KANSL1L: variants seen among roughly 807,000 people sequenced by gnomAD.
KANSL1L encodes KAT8 regulatory NSL complex subunit 1-like protein.
KANSL1L carries 25 observed loss-of-function variants against 108.6 expected under a neutral mutation model. The ratio of observed to expected loss-of-function variants is 0.23; its 90% confidence interval spans 0.17 to 0.32. The LOEUF (loss-of-function observed/expected upper bound fraction) is 0.32. Ranked by LOEUF, KANSL1L falls within the 10% of genes least tolerant of loss-of-function variation. The pLI is 1.00. For synonymous variants in KANSL1L, 405 were observed against 395.1 expected (o/e 1.03, Z -0.30); for missense variants, 1,137 against 1,125.7 (o/e 1.01, Z -0.14).
intron 4 of KANSL1L, 142 bp from the exon 5 acceptor site, chr2:210,098,349 T>G: frequency 1.4e-6 from 1 of 707,048 alleles, no homozygotes; most frequent in South Asian, 2.0e-5. Context: ...CAAAGACAAT[T>G]TATACAACTG....
intron 9 of KANSL1L, chr2:210,030,915 C>T (rs1357774100): frequency 6.6e-6 from 1 of 152,052 alleles, no homozygotes; most frequent in Admixed American, 6.6e-5. Context: ...TCTAAAGTGT[C>T]AGTCAATTTA....
At position 210,153,924 on chromosome 2, in the gene KANSL1L, A is replaced by G; in HGVS notation, c.659T>C (p.Val220Ala). The G allele has an allele frequency of 1.9e-6, 3 of 1,613,580 alleles. No homozygotes were observed. Among genetic ancestry groups the G allele is most frequent in the East Asian group, 4.5e-5 (2 of 44,874 alleles). Reference sequence around the variant, plus strand: ...TACACAATGAAGTAAACGAGCATGTACTTCCTCCTCTTTTTCAGCAGCTGA... The same window carrying G: ...TACACAATGAAGTAAACGAGCATGTGCTTCCTCCTCTTTTTCAGCAGCTGA... ...SSSAAEKEEE[V>A]HARLLHCVSK... is the part of the protein sequence containing the mutation. Residue 220 changes from valine (V) to alanine (A), a missense_variant, in exon 2 of 15, where the codon GTA (valine) becomes GCA (alanine). Physicochemically the swap from Val to Ala is moderately conservative, Grantham distance 64. Transcript: ENST00000281772.
At chr2:210,040,324 T>C in intron 8 of KANSL1L, 96 bp downstream of exon 8, 1 of 684,290 alleles carries the variant, frequency 1.5e-6, no homozygotes, top group Non-Finnish European at 2.6e-6. Context: ...TTTCATGTAT[T>C]CTTTTCTTAG....
intron 5 of KANSL1L, chr2:210,096,751 T>C (rs916925697): frequency 9.9e-5 from 95 of 958,222 alleles, no homozygotes; most frequent in Non-Finnish European, 1.1e-4. Context: ...ACGTTCAACA[T>C]GTTTTATCAC....
In KANSL1L at chr2:210,113,209, TA is replaced by T. The variant is rs1029365482; in HGVS notation, c.1231-8909del. ...GGGGATTTAAAGGGCCAGCACCCTT[TA>T]AAAAAAAATCCTCTCTTCATTTTTC... On this transcript the variant is annotated intron_variant, in intron 3 of 14. Coordinates refer to ENST00000281772, the MANE Select transcript of KANSL1L (RefSeq NM_152519.4). Among the ~76,000 whole-genome samples, 16 of 151,280 alleles carry T rather than the reference TA, an allele frequency of 1.1e-4. No homozygotes were observed. The South Asian group carries it at 1.9e-3, about 18-fold the overall frequency.
chr2:210,023,289 C>T (rs189582805), intron 14 of KANSL1L, 110 bp from the exon 15 acceptor site: 2 of 730,656 alleles, frequency 2.7e-6, no homozygotes, highest in Non-Finnish European at 4.5e-6. Flanking sequence ...TGTTCTTTAG[C>T]ACATAAATGT....
intron 6 of KANSL1L, among the ~76,000 whole-genome samples, chr2:210,068,621 A>G (rs879798162): frequency 7.2e-5 from 11 of 152,118 alleles, no homozygotes; most frequent in Non-Finnish European, 1.3e-4. Context: ...TTGGCGGGTA[A>G]TAAGTGTTTG....
At chr2:210,158,794 GATTAA>G (rs1158673184) in intron 1 of KANSL1L, among the ~76,000 whole-genome samples, 1 of 150,660 alleles carries the variant, frequency 6.6e-6, no homozygotes, top group African/African-American at 2.4e-5. Context: ...AAATAAAAAA[GATTAA>G]ATTATGTTCA....
intron 5 of KANSL1L, among the ~76,000 whole-genome samples, chr2:210,086,943 A>T (rs556812743): frequency 7.9e-5 from 12 of 152,186 alleles, no homozygotes; most frequent in African/African-American, 2.6e-4. Flanking sequence ...TGTAGCTGAA[A>T]TGTTTAAAAG....
intron 3 of KANSL1L, among the ~76,000 whole-genome samples, chr2:210,112,610 ATTTC>A (rs2094919569): frequency 6.6e-6 from 1 of 152,106 alleles, no homozygotes; most frequent in African/African-American, 2.4e-5. Flanking sequence ...CATGTCTCTT[ATTTC>A]TTTCTACTTT....
intron 8 of KANSL1L, chr2:210,032,330 G>A (rs1023536764): frequency 2.6e-5 from 4 of 152,196 alleles, no homozygotes; most frequent in African/African-American, 9.7e-5. Flanking sequence ...TACATGCACA[G>A]ATAGGCACAT....
In KANSL1L at chr2:210,024,159, T is replaced by G; in HGVS notation, c.2607A>C (p.Lys869Asn). The change falls in exon 14 of 15, where the codon AAA becomes AAC. Residue 869 changes from lysine to asparagine, a missense_variant. Coordinates refer to ENST00000281772, the MANE Select transcript of KANSL1L (RefSeq NM_152519.4). ...KNVEGQDLLL[K>N]EYPNNFSSSQ... is the part of the protein sequence containing the mutation. The stretch of plus-strand genomic sequence containing the variant: ...TGCTACTGAAGTTATTAGGGTATTC[T>G]TTCAAAAGCAAGTCCTGTCCTTCAA... 1 of 1,607,164 alleles carries G rather than the reference T, an allele frequency of 6.2e-7. No individual in the cohort carries two copies. Among genetic ancestry groups the G allele is most frequent in the Non-Finnish European group, 8.5e-7 (1 of 1,176,756 alleles).
intron 3 of KANSL1L, among the ~76,000 whole-genome samples, chr2:210,106,643 C>T (rs2125443683): frequency 6.6e-6 from 1 of 152,060 alleles, no homozygotes; most frequent in South Asian, 2.1e-4. Flanking sequence ...ATGGCACATG[C>T]CTTTGGTCCC....
chr2:210,143,862 C>G (rs933726401), intron 2 of KANSL1L, among the ~76,000 whole-genome samples: 1 of 152,162 alleles, frequency 6.6e-6, no homozygotes, highest in Non-Finnish European at 1.5e-5. Flanking sequence ...ATAATAAAAA[C>G]AAGTGATTTA....
chr2:210,141,187 CCTTTCT>C (rs2095225950), intron 2 of KANSL1L, among the ~76,000 whole-genome samples: 3 of 148,844 alleles, frequency 2.0e-5, no homozygotes, highest in Admixed American at 2.0e-4. Context: ...TCTTTCTCTC[CCTTTCT>C]CTTTTTCTTT....
intron 2 of KANSL1L, among the ~76,000 whole-genome samples, chr2:210,133,863 T>C (rs2095149636): frequency 6.6e-6 from 1 of 152,164 alleles, no homozygotes; most frequent in Non-Finnish European, 1.5e-5. Flanking sequence ...ATATTTACCA[T>C]TTCTTAACAT....
chr2:210,124,878 T>A (rs2095052410), intron 3 of KANSL1L, among the ~76,000 whole-genome samples: 1 of 152,128 alleles, frequency 6.6e-6, no homozygotes, highest in Admixed American at 6.6e-5. Context: ...AATAATACTA[T>A]ACCAACAAAT....
At chr2:210,153,322 C>T (rs1433062115) in intron 2 of KANSL1L, 173 bp downstream of exon 2, 1 of 558,254 alleles carries the variant, frequency 1.8e-6, no homozygotes, top group African/African-American at 2.0e-5. Context: ...CCACTACACT[C>T]CAGCCTGGGC....
chr2:210,153,080 A>G (rs569172268), intron 2 of KANSL1L: 357 of 156,512 alleles, frequency 2.3e-3, no homozygotes, highest in African/African-American at 8.0e-3. Flanking sequence ...TGGTGGCTGG[A>G]TGTGGTGGCT....
Sources: gnomAD v4.1 joint callset for allele counts (sites outside exome capture counted in the v4.1 genomes callset) on GRCh38, gnomAD v4.1.1 for gene constraint, MANE v1.5 for transcripts, NCBI Gene and HGNC (gene_info 2026-07-23, HGNC 2026-07-21) for gene names.